The following EHBP1 variants were observed in gnomAD, a reference collection of about 807,000 sequenced individuals.
EHBP1 encodes EH domain-binding protein 1.
EHBP1 carries 55 observed loss-of-function variants against 144.0 expected under a neutral mutation model. That is an observed-to-expected ratio of 0.38 (90% CI 0.31 to 0.48). The LOEUF is 0.48. EHBP1 is among the 20% of genes least tolerant of loss of function. EHBP1 has a pLI of 0.98. For synonymous variants in EHBP1, 469 were observed against 472.7 expected (o/e 0.99, Z 0.10); for missense variants, 1,200 against 1,364.2 (o/e 0.88, Z 1.90).
intron 19 of EHBP1, among the ~76,000 whole-genome samples, chr2:63,019,807 G>A (rs568152755): frequency 9.4e-4 from 116 of 123,330 alleles, no homozygotes; most frequent in African/African-American, 3.3e-3. Context: ...GGAAAGGAAA[G>A]GATAGGGAAG....
intron 19 of EHBP1, among the ~76,000 whole-genome samples, chr2:63,024,601 CAAAAAAAA>C (rs35534053): frequency 9.3e-6 from 1 of 107,492 alleles, no homozygotes. Context: ...GACCCTGTCT[CAAAAAAAA>C]AAAAAAAAAA....
At chr2:62,826,722 G>T (rs2046370662) in intron 6 of EHBP1, 1 of 152,350 alleles carries the variant, frequency 6.6e-6, no homozygotes, top group South Asian at 2.1e-4. Flanking sequence ...ATGTAGGAAG[G>T]TACAGTTAGA....
chr2:62,742,401 C>A (rs1372124958), intron 2 of EHBP1, among the ~76,000 whole-genome samples: 1 of 152,104 alleles, frequency 6.6e-6, no homozygotes, highest in African/African-American at 2.4e-5. Flanking sequence ...TTTGAAAGGT[C>A]TACTTTTATA....
chr2:62,749,026 G>A (rs544609470), intron 3 of EHBP1, among the ~76,000 whole-genome samples: 12 of 152,090 alleles, frequency 7.9e-5, no homozygotes, highest in African/African-American at 2.9e-4. Context: ...GGGTACATGT[G>A]CACAACGTGC....
At chr2:62,910,603 A>G (rs1460425235) in intron 10 of EHBP1, among the ~76,000 whole-genome samples, 1 of 152,162 alleles carries the variant, frequency 6.6e-6, no homozygotes, top group Non-Finnish European at 1.5e-5. Context: ...ATGAAAAAAA[A>G]AAATGCACTG....
intron 5 of EHBP1, among the ~76,000 whole-genome samples, chr2:62,811,682 G>A (rs2045020115): frequency 6.6e-6 from 1 of 152,168 alleles, no homozygotes; most frequent in Admixed American, 6.5e-5. Flanking sequence ...TAACTGTTAG[G>A]TACAGCATAA....
chr2:62,943,035 T>G (rs1295545041), intron 11 of EHBP1, 139 bp downstream of exon 11: 2 of 658,096 alleles, frequency 3.0e-6, no homozygotes, highest in Middle Eastern at 4.5e-4. Context: ...GAGAGATATA[T>G]GTCAGAAAGC....
chr2:62,755,852 A>G (rs1208627192), intron 3 of EHBP1, among the ~76,000 whole-genome samples: 3 of 152,242 alleles, frequency 2.0e-5, no homozygotes, highest in Non-Finnish European at 4.4e-5. Flanking sequence ...GTTATCAACA[A>G]AAAACAATTT....
chr2:63,034,691 C>G (rs957242003), intron 19 of EHBP1, among the ~76,000 whole-genome samples: 5 of 151,908 alleles, frequency 3.3e-5, no homozygotes, highest in African/African-American at 4.8e-5. Context: ...ATCCTTTGTA[C>G]TTACCGTATT....
At chr2:62,747,640 C>T (rs1382761976) in intron 3 of EHBP1, among the ~76,000 whole-genome samples, 188 bp downstream of exon 3, 7 of 151,568 alleles carry the variant, frequency 4.6e-5, no homozygotes, top group African/African-American at 1.7e-4. Flanking sequence ...GAGCCAGATA[C>T]CTGAGTTTTG....
At chr2:63,017,692 TATC>T (rs765499369) in intron 19 of EHBP1, among the ~76,000 whole-genome samples, 2 of 152,190 alleles carry the variant, frequency 1.3e-5, no homozygotes, top group Non-Finnish European at 2.9e-5. Flanking sequence ...GAATTTTACC[TATC>T]ATCATCAAGC....
chr2:63,029,096 T>C (rs965691868), intron 19 of EHBP1, among the ~76,000 whole-genome samples: 1 of 152,166 alleles, frequency 6.6e-6, no homozygotes, highest in African/African-American at 2.4e-5. Flanking sequence ...TTAAGCAGTA[T>C]TCCATTATCT....
chr2:62,814,480 T>C (rs1332560959), intron 5 of EHBP1, among the ~76,000 whole-genome samples: 2 of 152,276 alleles, frequency 1.3e-5, no homozygotes, highest in African/African-American at 4.8e-5. Flanking sequence ...AGCATTAATC[T>C]ACTCACATAT....
chr2:62,850,955 A>G (rs954241870), intron 7 of EHBP1, among the ~76,000 whole-genome samples: 9 of 152,204 alleles, frequency 5.9e-5, no homozygotes, highest in African/African-American at 9.6e-5. Context: ...AGTTTCACCA[A>G]CTGTCTAAAA....
chr2:63,007,693 A>G lies in EHBP1; in HGVS notation c.3103+10927A>G, dbSNP rs1457386416. ...CAAATATATTAATTCACTCAAATAA[A>G]TAGAAAGTGTATATTATGGTTCCTC... is the stretch of plus-strand genomic sequence containing the variant. On this transcript the variant is annotated intron_variant, in intron 19 of 22. Transcript: ENST00000431489. Among the ~76,000 whole-genome samples the G allele has an allele frequency of 2.0e-5, 3 of 151,812 alleles. No homozygotes were observed. In the East Asian group the frequency reaches 5.8e-4, roughly 29 times the overall value.
intron 5 of EHBP1, among the ~76,000 whole-genome samples, chr2:62,778,278 G>T (rs956181119): frequency 6.6e-6 from 1 of 152,032 alleles, no homozygotes; most frequent in African/African-American, 2.4e-5. Context: ...GGTAGCACAC[G>T]CCTGAATCTT....
intron 2 of EHBP1, among the ~76,000 whole-genome samples, chr2:62,741,588 G>C (rs113006142): frequency 8.3e-4 from 126 of 152,172 alleles, no homozygotes; most frequent in African/African-American, 2.8e-3. Flanking sequence ...TTTAACTGTT[G>C]AGATTTTAGT....
At chr2:62,895,026 C>A (rs140476812) in intron 10 of EHBP1, among the ~76,000 whole-genome samples, 1 of 151,948 alleles carries the variant, frequency 6.6e-6, no homozygotes, top group African/African-American at 2.4e-5. Flanking sequence ...GAAAACTGTA[C>A]GGATGAATCT....
intron 2 of EHBP1, among the ~76,000 whole-genome samples, 158 bp downstream of exon 2, chr2:62,707,453 A>G (rs1355756576): frequency 6.6e-6 from 1 of 152,196 alleles, no homozygotes; most frequent in Non-Finnish European, 1.5e-5. Flanking sequence ...TGTGCTGTGC[A>G]CTGTTGCTGC....
Sources: allele counts gnomAD v4.1 joint callset (sites outside exome capture counted in the v4.1 genomes callset), GRCh38; gene constraint gnomAD v4.1.1; transcripts MANE v1.5; gene names NCBI Gene and HGNC (gene_info 2026-07-23, HGNC 2026-07-21).